NSMCE1: variants seen among roughly 807,000 people sequenced by gnomAD.
NSMCE1 encodes the protein non-structural maintenance of chromosomes element 1 homolog.
In NSMCE1, 18 loss-of-function variants were observed where a neutral mutation model predicts 29.6. That is an observed-to-expected ratio of 0.61 (90% confidence interval 0.42 to 0.90). The LOEUF (loss-of-function observed/expected upper bound fraction) is 0.90. Among genes scored for constraint, NSMCE1 ranks in the 40% least tolerant of loss-of-function variants. NSMCE1 has a pLI of 0.00. For synonymous variants in NSMCE1, 124 were observed against 133.4 expected (o/e 0.93, Z 0.49); for missense variants, 314 against 343.6 (o/e 0.91, Z 0.68).
At chr16:27,244,406 C>G (rs1417320411) in intron 2 of NSMCE1, among the ~76,000 whole-genome samples, 3 of 152,218 alleles carry the variant, frequency 2.0e-5, no homozygotes, top group Non-Finnish European at 2.9e-5. Context: ...TCCCCTCTAG[C>G]CTTCTCCATC....
At chr16:27,225,625 C>A in intron 7 of NSMCE1, 101 bp downstream of exon 7, 1 of 1,423,636 alleles carries the variant, frequency 7.0e-7, no homozygotes. Flanking sequence ...CCCCACACAC[C>A]CTGGAGCCCT....
intron 2 of NSMCE1, among the ~76,000 whole-genome samples, chr16:27,250,121 T>G (rs1384655008): frequency 6.6e-6 from 1 of 152,258 alleles, no homozygotes. Flanking sequence ...ATCCTACAAC[T>G]TTACTAAACT....
intron 3 of NSMCE1, among the ~76,000 whole-genome samples, chr16:27,234,891 T>C (rs1057026310): frequency 1.1e-4 from 17 of 152,194 alleles, no homozygotes; most frequent in African/African-American, 3.9e-4. Flanking sequence ...GCAGGAGGGA[T>C]GAGGCCCAAA....
chr16:27,233,201 T>C, intron 4 of NSMCE1, 54 bp from the exon 5 acceptor site: 1 of 1,551,860 alleles, frequency 6.4e-7, no homozygotes, highest in South Asian at 1.2e-5. Flanking sequence ...AAAATAACTT[T>C]TAAATGGTAA....
chr16:27,257,041 C>T (rs2084095128), intron 2 of NSMCE1, among the ~76,000 whole-genome samples: 1 of 152,144 alleles, frequency 6.6e-6, no homozygotes, highest in Admixed American at 6.5e-5. Flanking sequence ...ATCAATACCC[C>T]ACTAGGCACT....
chr16:27,259,919 A>G (rs2084136329), intron 1 of NSMCE1, among the ~76,000 whole-genome samples: 1 of 152,210 alleles, frequency 6.6e-6, no homozygotes, highest in Admixed American at 6.5e-5. Flanking sequence ...AGAGAATTCT[A>G]TAACGAGCTG....
At position 27,225,064 on chromosome 16, in the gene NSMCE1, G is replaced by C. The variant is rs1164190226; in HGVS notation, c.*93C>G. 2 of 722,772 alleles carry C rather than the reference G, an allele frequency of 2.8e-6. No homozygotes were observed. The highest frequency in any genetic ancestry group is 2.2e-5 in the Admixed American group (1 of 45,628). The allele number at this position is 722,772 out of a possible 1,614,324, so 44.8% of individuals were successfully genotyped here. On this transcript the variant is annotated 3_prime_UTR_variant, in exon 8 of 8. Transcript: ENST00000361439. ...AACATTAAGACGAAAGAGGTGACTCGCGTGGAACCTGAAACACGGACGCCT... is the reference window on the plus strand; with the variant it reads ...AACATTAAGACGAAAGAGGTGACTCCCGTGGAACCTGAAACACGGACGCCT...
rs61088115 is a variant in NSMCE1 at position 27,254,866 on chromosome 16, CTTTTTTTTTTTTTTTT to C, written c.136+2553_136+2568del. Among the ~76,000 whole-genome samples the C allele has an allele frequency of 6.4e-5, 3 of 46,896 alleles. No individual in the cohort carries two copies. In the East Asian group the frequency reaches 2.1e-3, roughly 33 times the overall value. 30.8% of individuals were successfully genotyped at this position (46,896 alleles called of 152,430 possible). Reference sequence around the variant, plus strand: ...GGGGTAGGTTTAAAGTCCAACCATGCTTTTTTTTTTTTTTTTTTTTTTTTTTTTTTTGATACATGGT... The same window carrying C: ...GGGGTAGGTTTAAAGTCCAACCATGCTTTTTTTTTTTTTTTGATACATGGT... On this transcript the variant is annotated intron_variant, in intron 2 of 7. Transcript: ENST00000361439.
intron 1 of NSMCE1, among the ~76,000 whole-genome samples, chr16:27,260,643 G>C (rs2084143728): frequency 6.6e-6 from 1 of 151,978 alleles, no homozygotes; most frequent in South Asian, 2.1e-4. Flanking sequence ...TGGGCACAGT[G>C]AGCCCAGGAG....
chr16:27,266,209 C>A (rs2084223063), intron 1 of NSMCE1: 1 of 152,106 alleles, frequency 6.6e-6, no homozygotes, highest in South Asian at 2.1e-4. Context: ...CCACTCTCAA[C>A]AACAACAACA....
intron 2 of NSMCE1, 32 bp downstream of exon 2, chr16:27,257,403 G>C (rs1317509178): frequency 1.9e-6 from 3 of 1,584,338 alleles, no homozygotes; most frequent in African/African-American, 1.3e-5. Context: ...CACAGCACCA[G>C]AGCGCCCTGG....
chr16:27,265,329 C>T (rs908479787), intron 1 of NSMCE1, among the ~76,000 whole-genome samples: 11 of 151,674 alleles, frequency 7.3e-5, no homozygotes, highest in Non-Finnish European at 1.3e-4. Context: ...CCACTATGCC[C>T]GGCTAATTTC....
chr16:27,254,465 T>C (rs2084064167), intron 2 of NSMCE1, among the ~76,000 whole-genome samples: 2 of 152,202 alleles, frequency 1.3e-5, no homozygotes, highest in South Asian at 2.1e-4. Flanking sequence ...ATCATGTGGC[T>C]CCTTGCAGTG....
rs917434575 is a variant in NSMCE1 at position 27,232,901 on chromosome 16, G to A, written c.483+100C>T. ...AGCAGATAAGGGATCCGAGAAGGCC[G>A]GGCTCCTCAGACATCAGTTGGCTAC... On this transcript the variant is annotated intron_variant, in intron 5 of 7. Coordinates refer to ENST00000361439, the MANE Select transcript of NSMCE1 (RefSeq NM_145080.4). The surrounding 1 kb of genome is among the most constrained non-coding windows in gnomAD (Gnocchi z 4.5). 3.8e-5 allele frequency: 48 copies of A among 1,256,056 alleles called. No individual in the cohort carries two copies. Among genetic ancestry groups the A allele is most frequent in the Non-Finnish European group, 4.9e-5 (43 of 884,136 alleles). 77.8% of individuals were successfully genotyped at this position (1,256,056 alleles called of 1,614,324 possible). A position where few individuals can be genotyped will look rare whatever the true frequency, so the allele number is the denominator to read the frequency against.
chr16:27,255,560 C>A (rs2084078387), intron 2 of NSMCE1, among the ~76,000 whole-genome samples: 1 of 152,202 alleles, frequency 6.6e-6, no homozygotes, highest in Non-Finnish European at 1.5e-5. Context: ...AACAGGCTAA[C>A]TTGTTCCTGG....
intron 2 of NSMCE1, among the ~76,000 whole-genome samples, chr16:27,235,887 C>T (rs549525609): frequency 6.6e-6 from 1 of 152,288 alleles, no homozygotes; most frequent in East Asian, 1.9e-4. Flanking sequence ...TGCAGCGAGC[C>T]CTCAGCATGG....
intron 2 of NSMCE1, among the ~76,000 whole-genome samples, chr16:27,253,106 C>G (rs570405950): frequency 7.9e-5 from 12 of 151,952 alleles, no homozygotes; most frequent in Non-Finnish European, 1.8e-4. Context: ...GAGTTGTAGC[C>G]TTTATAAAAA....
At chr16:27,237,184 G>GT (rs2083835075) in intron 2 of NSMCE1, among the ~76,000 whole-genome samples, 1 of 152,236 alleles carries the variant, frequency 6.6e-6, no homozygotes, top group South Asian at 2.1e-4. Context: ...AGTAGTCATA[G>GT]TAAGTGGGTG....
rs149505515 is a variant in NSMCE1, at chr16:27,238,259, G to A, written c.137-2960C>T. Reference sequence around the variant, plus strand: ...ATCTCTAACAGCCACACACAGTCTCGCCTCCAGCCTCACACATGTCCAGAA... The same window carrying A: ...ATCTCTAACAGCCACACACAGTCTCACCTCCAGCCTCACACATGTCCAGAA... On this transcript the variant is annotated intron_variant, in intron 2 of 7. Transcript: ENST00000361439. Among the ~76,000 whole-genome samples the A allele has an allele frequency of 7.1e-3, 1,077 of 152,168 alleles. 6 individuals are homozygous for A. Among genetic ancestry groups the A allele is most frequent in the Middle Eastern group, 0.031 (9 of 294 alleles).
Sources: allele counts gnomAD v4.1 joint callset (sites outside exome capture counted in the v4.1 genomes callset), GRCh38; gene constraint gnomAD v4.1.1; non-coding constraint Gnocchi (gnomAD v3.1); transcripts MANE v1.5; gene names NCBI Gene and HGNC (gene_info 2026-07-23, HGNC 2026-07-21).